The following PHF3 variants were observed in gnomAD, a reference collection of about 807,000 sequenced individuals.
PHF3 encodes the protein PHD finger protein 3.
PHF3 carries 41 observed loss-of-function variants against 178.4 expected under a neutral mutation model. The ratio of observed to expected loss-of-function variants is 0.23; its 90% CI spans 0.18 to 0.30. The LOEUF is 0.30. PHF3 is among the 10% of genes least tolerant of loss of function. The probability of loss-of-function intolerance (pLI) is 1.00; values close to 1 mark genes in which losing one functional copy is unlikely to be tolerated. For synonymous variants in PHF3, 842 were observed against 800.5 expected, an observed-to-expected ratio of 1.05 and a Z score of -0.88; for missense variants, 2,346 against 2,398.1, an observed-to-expected ratio of 0.98 and a Z score of 0.45.
At chr6:63,685,967 G>T (rs1440962866) in intron 4 of PHF3, 56 bp downstream of exon 4, 1 of 1,245,778 alleles carries the variant, frequency 8.0e-7, no homozygotes, top group Non-Finnish European at 1.1e-6. Context: ...TTGCTTTTTT[G>T]GGGGTGGGAT....
chr6:63,665,461 C>T (rs1411436377), intron 2 of PHF3, among the ~76,000 whole-genome samples: 2 of 143,104 alleles, frequency 1.4e-5, no homozygotes, highest in Non-Finnish European at 3.1e-5. Flanking sequence ...ATTAAAATTA[C>T]TGTTTCGCTT....
Position 63,713,806 on chromosome 6 carries a change from A to G in PHF3, c.*98A>G. ...TGCCTGCTAGGATTGTGCCATCTTT[A>G]AAATTTTTACTATTGGTCATTTGCA... On this transcript the variant is annotated 3_prime_UTR_variant, in exon 16 of 16. Coordinates refer to ENST00000262043, the MANE Select transcript of PHF3 (RefSeq NM_001370348.2). 1 of 1,059,638 alleles carries G rather than the reference A, an allele frequency of 9.4e-7. No homozygotes were observed. Among genetic ancestry groups the G allele is most frequent in the Non-Finnish European group, 1.3e-6 (1 of 749,538 alleles). 65.6% of individuals were successfully genotyped at this position (1,059,638 alleles called of 1,614,324 possible).
At chr6:63,687,493 T>A (rs997668219) in intron 4 of PHF3, among the ~76,000 whole-genome samples, 11 of 152,120 alleles carry the variant, frequency 7.2e-5, no homozygotes, top group African/African-American at 2.7e-4. Context: ...GAATTAAGAG[T>A]TAGGTGGTGC....
At chr6:63,637,335 C>T (rs1410193722) in intron 1 of PHF3, among the ~76,000 whole-genome samples, 1 of 152,144 alleles carries the variant, frequency 6.6e-6, no homozygotes. Context: ...AACTACGCCT[C>T]CATTATTCAT....
chr6:63,725,259 G>GT lies in PHF3; in HGVS notation c.*11552dup, dbSNP rs1485885041. The stretch of plus-strand genomic sequence containing the variant: ...GAACTACATGCATTGAATAACAGAT[G>GT]TAAGAAGATGTGCTCTTGCCCTCCT... On this transcript the variant is annotated 3_prime_UTR_variant, in exon 16 of 16. Transcript: ENST00000262043. Among the ~76,000 whole-genome samples the GT allele has an allele frequency of 6.6e-6, 1 of 152,070 alleles. No homozygotes were observed. Among genetic ancestry groups the GT allele is most frequent in the African/African-American group, 2.4e-5 (1 of 41,448 alleles).
chr6:63,674,684 C>A (rs963761054), intron 2 of PHF3, among the ~76,000 whole-genome samples: 1 of 152,090 alleles, frequency 6.6e-6, no homozygotes. Context: ...TCTTACTATA[C>A]TTAACACAGC....
intron 2 of PHF3, chr6:63,678,746 G>A (rs1310058316): frequency 2.3e-6 from 1 of 429,884 alleles, no homozygotes; most frequent in East Asian, 7.2e-5. Flanking sequence ...TCATGATTCT[G>A]TTTGTTGTCA....
chr6:63,655,825 C>G (rs1037008999), intron 2 of PHF3, among the ~76,000 whole-genome samples: 4 of 151,490 alleles, frequency 2.6e-5, no homozygotes, highest in Admixed American at 1.3e-4. Context: ...TTTTTTGTTG[C>G]AGTGTTGGGG....
At chr6:63,664,541 G>A (rs895858174) in intron 2 of PHF3, among the ~76,000 whole-genome samples, 7 of 152,154 alleles carry the variant, frequency 4.6e-5, no homozygotes, top group African/African-American at 1.7e-4. Context: ...TTGTCTTACT[G>A]TTTTACTGTA....
At chr6:63,682,133 A>G (rs563989753) in intron 3 of PHF3, among the ~76,000 whole-genome samples, 13 of 152,126 alleles carry the variant, frequency 8.5e-5, no homozygotes, top group Non-Finnish European at 1.9e-4. Flanking sequence ...TTGCTTTACT[A>G]TCTCCAGAGA....
chr6:63,702,482 A>C, intron 9 of PHF3, 26 bp from the exon 10 acceptor site: 1 of 1,474,294 alleles, frequency 6.8e-7, no homozygotes, highest in Non-Finnish European at 9.1e-7. Flanking sequence ...TAAATTTAAT[A>C]TTTTTAAAAA....
Position 63,657,254 on chromosome 6 carries a change from A to G in PHF3, c.244+10459A>G, listed in dbSNP as rs149466573. Among the ~76,000 whole-genome samples the G allele has an allele frequency of 3.9e-4, 60 of 152,124 alleles. 1 individual carries two copies. Among genetic ancestry groups the G allele is most frequent in the African/African-American group, 1.4e-3 (58 of 41,490 alleles). ...TTCTTTCATGTATTCTCTTTATTCC[A>G]TGTTTTTAGTAGTAGTCTATTCTCA... On this transcript the variant is annotated intron_variant, in intron 2 of 15. Transcript: ENST00000262043.
chr6:63,715,992 TC>T lies in PHF3; in HGVS notation c.*2285del, dbSNP rs1158676194. On this transcript the variant is annotated 3_prime_UTR_variant, in exon 16 of 16. Coordinates refer to ENST00000262043, the MANE Select transcript of PHF3 (RefSeq NM_001370348.2). Reference sequence around the variant, plus strand: ...TTACACTTAAAAAAACTTAGAATCATCTTAAGACAGTGAATGCATACCTCTA... The same window carrying T: ...TTACACTTAAAAAAACTTAGAATCATTTAAGACAGTGAATGCATACCTCTA... Among the ~76,000 whole-genome samples, 1 of 152,142 alleles carries T rather than the reference TC, an allele frequency of 6.6e-6. No homozygotes were observed. Among genetic ancestry groups the T allele is most frequent in the Non-Finnish European group, 1.5e-5 (1 of 68,026 alleles).
chr6:63,703,424 T>G lies in PHF3; in HGVS notation c.3232-112T>G, dbSNP rs546832429. On this transcript the variant is annotated intron_variant, in intron 10 of 15. Coordinates refer to ENST00000262043, the MANE Select transcript of PHF3 (RefSeq NM_001370348.2). ...CCAAAAAACAAAAATCAAAAACTTA[T>G]CTATGGAACAACTGCATTTTAGGAA... 12 of 1,079,800 alleles carry G rather than the reference T, an allele frequency of 1.1e-5. No individual in the cohort carries two copies. In the South Asian group the frequency reaches 1.4e-4, roughly 13 times the overall value. 66.9% of individuals were successfully genotyped at this position (1,079,800 alleles called of 1,614,324 possible). A position where few individuals can be genotyped will look rare whatever the true frequency, so the allele number is the denominator to read the frequency against.
chr6:63,680,281 A>C (rs1766375120), intron 3 of PHF3, 120 bp downstream of exon 3: 4 of 840,126 alleles, frequency 4.8e-6, no homozygotes, highest in Non-Finnish European at 5.4e-6. Flanking sequence ...ATTCGTTTTG[A>C]TGGCAATCAG....
intron 14 of PHF3, among the ~76,000 whole-genome samples, chr6:63,710,660 C>G (rs962755319): frequency 6.6e-6 from 1 of 152,082 alleles, no homozygotes; most frequent in Non-Finnish European, 1.5e-5. Context: ...TTCATCCAGC[C>G]CTTTTTATTT....
chr6:63,706,781 A>G lies in PHF3; in HGVS notation c.3616A>G (p.Asn1206Asp). The G allele has an allele frequency of 6.2e-7, 1 of 1,613,990 alleles. No individual in the cohort carries two copies. Among genetic ancestry groups the G allele is most frequent in the Non-Finnish European group, 8.5e-7 (1 of 1,179,892 alleles). ...TGAGTCTACCTTTCTGGCTCGATTG[A>G]ACTTCATCTGGAAAGGTTTTATCAA... ...EVESTFLARL[N>D]FIWKGFINMP... Residue 1206 changes from asparagine (N) to aspartate (D), a missense_variant, in exon 13 of 16, where the codon AAC (asparagine) becomes GAC (aspartate). Physicochemically the swap from Asn to Asp is conservative, Grantham distance 23. This residue lies in a region of PHF3 where 205 missense variants were observed against 212.4 expected (regional missense o/e 0.97). Transcript: ENST00000262043.
At chr6:63,645,370 T>A (rs145639703) in intron 1 of PHF3, among the ~76,000 whole-genome samples, 1,787 of 152,314 alleles carry the variant, frequency 0.012, 30 homozygotes, top group African/African-American at 0.041. Flanking sequence ...TGCGAGGATG[T>A]TAATAGACCC....
chr6:63,692,070 T>G (rs771417964), intron 5 of PHF3, 27 bp downstream of exon 5: 2 of 1,531,814 alleles, frequency 1.3e-6, no homozygotes, highest in African/African-American at 2.8e-5. Flanking sequence ...TGCATTATTT[T>G]GTTTATTTAA....
Sources: allele counts gnomAD v4.1 joint callset (sites outside exome capture counted in the v4.1 genomes callset), GRCh38; gene constraint gnomAD v4.1.1; regional missense constraint gnomAD v4.1.1; transcripts MANE v1.5; gene names NCBI Gene and HGNC (gene_info 2026-07-23, HGNC 2026-07-21).